The following MED15 variants were observed in gnomAD, a reference collection of about 807,000 sequenced individuals.
The protein encoded by MED15 is mediator of RNA polymerase II transcription subunit 15.
A neutral mutation model predicts 118.7 loss-of-function variants in MED15; 41 were observed. That is an observed-to-expected ratio of 0.35 (90% CI 0.27 to 0.45). MED15 has a LOEUF of 0.45. Among genes scored for constraint, MED15 ranks in the 20% least tolerant of loss-of-function variants. The pLI, the probability that MED15 is intolerant of heterozygous loss-of-function variation, is 1.00. For synonymous variants in MED15, 436 were observed against 413.9 expected, an observed-to-expected ratio of 1.05 and a Z score of -0.65; for missense variants, 740 against 1,025.5, an observed-to-expected ratio of 0.72 and a Z score of 3.80.
At chr22:20,508,168 AG>A (rs1185922030) in intron 1 of MED15, 2 of 1,214,966 alleles carry the variant, frequency 1.6e-6, no homozygotes, top group Non-Finnish European at 2.1e-6. Flanking sequence ...TGATGGGAGG[AG>A]GGTGGATGTA....
intron 8 of MED15, among the ~76,000 whole-genome samples, chr22:20,571,794 C>G (rs180688802): frequency 6.6e-6 from 1 of 152,284 alleles, no homozygotes; most frequent in African/African-American, 2.4e-5. Flanking sequence ...GTACTCTGAT[C>G]TAAAAACTTT....
At chr22:20,579,134 T>C (rs1296235894) in intron 9 of MED15, among the ~76,000 whole-genome samples, 1 of 152,212 alleles carries the variant, frequency 6.6e-6, no homozygotes, top group Non-Finnish European at 1.5e-5. Flanking sequence ...AGAGAGGCAC[T>C]GTTGCCTCCC....
chr22:20,566,498 T>G lies in MED15; in HGVS notation c.722T>G (p.Ile241Arg). 6.2e-7 allele frequency: 1 copy of G among 1,610,360 alleles called. No homozygotes were observed. Among genetic ancestry groups the G allele is most frequent in the Non-Finnish European group, 8.5e-7 (1 of 1,177,836 alleles). ...IQQQQQQLQRIAQLQLQQQQQ... is the reference protein window; with the variant it reads ...IQQQQQQLQRRAQLQLQQQQQ... ...CAGCAGCAACAGCAGCTGCAGCGAA[T>G]AGCACAGCTGCAGCTCCAACAACAG... Residue 241 changes from isoleucine (I) to arginine (R), a missense_variant, in exon 7 of 18, where the codon ATA becomes AGA. Ile to Arg is a moderately conservative substitution (Grantham distance 97). Coordinates refer to ENST00000263205, the MANE Select transcript of MED15 (RefSeq NM_001003891.3).
intron 11 of MED15, 69 bp downstream of exon 11, chr22:20,583,036 G>A (rs1441694689): frequency 1.1e-5 from 17 of 1,569,890 alleles, no homozygotes; most frequent in Admixed American, 8.9e-5. Flanking sequence ...CTGGGTGTGC[G>A]AGCTCTGGGG....
chr22:20,521,088 A>ACT (rs2054432742), intron 1 of MED15, among the ~76,000 whole-genome samples: 2 of 61,498 alleles, frequency 3.3e-5, no homozygotes, highest in Non-Finnish European at 6.2e-5. Context: ...CAGTTGTTCT[A>ACT]TTTTTTTTTT....
intron 1 of MED15, among the ~76,000 whole-genome samples, chr22:20,532,388 C>T (rs1282989723): frequency 6.6e-6 from 1 of 152,108 alleles, no homozygotes; most frequent in Non-Finnish European, 1.5e-5. Context: ...ACACTGTGTT[C>T]TGGGAACAGT....
chr22:20,537,552 G>A (rs573806263), intron 2 of MED15, among the ~76,000 whole-genome samples: 1 of 152,166 alleles, frequency 6.6e-6, no homozygotes, highest in South Asian at 2.1e-4. Context: ...TTTGTCCTCA[G>A]CCCCTCCTAG....
chr22:20,552,004 T>A (rs772191492), intron 3 of MED15, among the ~76,000 whole-genome samples: 2 of 152,176 alleles, frequency 1.3e-5, no homozygotes, highest in South Asian at 4.1e-4. Flanking sequence ...GAGGGCCCAG[T>A]GTGGTTCTGT....
chr22:20,526,325 G>A (rs1051424723), intron 1 of MED15, among the ~76,000 whole-genome samples: 5 of 152,036 alleles, frequency 3.3e-5, no homozygotes, highest in African/African-American at 4.8e-5. Context: ...GCTTTCTTCC[G>A]GCATATACCT....
intron 2 of MED15, among the ~76,000 whole-genome samples, chr22:20,537,829 G>A (rs900466144): frequency 1.3e-5 from 2 of 152,212 alleles, no homozygotes; most frequent in African/African-American, 2.4e-5. Flanking sequence ...TTGTGTGCAC[G>A]TGTGTGTGCA....
chr22:20,538,849 A>G (rs962139995), intron 2 of MED15, among the ~76,000 whole-genome samples: 3 of 151,082 alleles, frequency 2.0e-5, no homozygotes, highest in African/African-American at 7.3e-5. Flanking sequence ...ACAGGTGCGC[A>G]CCACCACACC....
chr22:20,586,420 G>C, intron 17 of MED15, 148 bp from the exon 18 acceptor site: 1 of 1,187,278 alleles, frequency 8.4e-7, no homozygotes, highest in Non-Finnish European at 1.2e-6. Context: ...TGGGAGGAGA[G>C]CCCAAAGGCC....
intron 5 of MED15, among the ~76,000 whole-genome samples, chr22:20,558,755 AC>A (rs1234296269): frequency 1.3e-5 from 2 of 151,452 alleles, no homozygotes; most frequent in Non-Finnish European, 2.9e-5. Flanking sequence ...GTCCTGTGTC[AC>A]CCCCCATACC....
chr22:20,583,456 G>T lies in MED15; in HGVS notation c.1736+63G>T. The stretch of plus-strand genomic sequence containing the variant: ...GCACAGATAGCCCAGCCATGGATGG[G>T]CACTTGGTGATGATGTGGGTTTAAC... On this transcript the variant is annotated intron_variant, in intron 13 of 17. Coordinates refer to ENST00000263205, the MANE Select transcript of MED15 (RefSeq NM_001003891.3). 6 of 1,585,668 alleles carry T rather than the reference G, an allele frequency of 3.8e-6. No individual in the cohort carries two copies. In the South Asian group the frequency reaches 5.5e-5, roughly 15 times the overall value.
rs1209606187 is a variant in MED15, at chr22:20,554,960, T to C, written c.263T>C (p.Leu88Pro). Residue 88 changes from leucine to proline, a missense_variant, in exon 5 of 18, where the codon CTG (leucine) becomes CCG (proline). This residue lies in a region of MED15 where 117 missense variants were observed against 124.6 expected (regional missense o/e 0.94). Transcript: ENST00000263205. The stretch of plus-strand genomic sequence containing the variant: ...GATCCTATGAATGCACTCCAGAGCC[T>C]GACTGGCGGACCTGCTGCGGGAGCC... The part of the protein sequence containing the change: ...VSDPMNALQS[L>P]TGGPAAGAAG... The C allele has an allele frequency of 6.2e-7, 1 of 1,609,188 alleles. No homozygotes were observed. Among genetic ancestry groups the C allele is most frequent in the Non-Finnish European group, 8.5e-7 (1 of 1,179,774 alleles).
chr22:20,573,798 G>A (rs1195887710), intron 8 of MED15: 2 of 152,124 alleles, frequency 1.3e-5, no homozygotes, highest in Admixed American at 1.3e-4. Flanking sequence ...TTTCTCCCTT[G>A]TGGAACGAGT....
At chr22:20,578,939 T>A (rs1176099224) in intron 9 of MED15, among the ~76,000 whole-genome samples, 1 of 152,236 alleles carries the variant, frequency 6.6e-6, no homozygotes, top group Non-Finnish European at 1.5e-5. Context: ...TGGCTGCATC[T>A]TCCTGTTACG....
chr22:20,549,742 C>A (rs1169219646), intron 2 of MED15, among the ~76,000 whole-genome samples: 3 of 152,184 alleles, frequency 2.0e-5, no homozygotes, highest in African/African-American at 7.2e-5. Context: ...TAAGCCTCCT[C>A]ACGCTGGTCT....
intron 4 of MED15, 76 bp from the exon 5 acceptor site, chr22:20,554,860 T>G: frequency 3.1e-5 from 44 of 1,403,600 alleles, no homozygotes; most frequent in Non-Finnish European, 4.0e-5. Context: ...CTGTGCTCTG[T>G]GAGCCTTACG....
Sources: gnomAD v4.1 joint callset for allele counts (sites outside exome capture counted in the v4.1 genomes callset) on GRCh38, gnomAD v4.1.1 for gene constraint, gnomAD v4.1.1 regional missense constraint, MANE v1.5 for transcripts, NCBI Gene and HGNC (gene_info 2026-07-23, HGNC 2026-07-21) for gene names.